Variants in ELOVL7 observed in about 807,000 individuals in gnomAD.
The protein encoded by ELOVL7 is very long chain fatty acid elongase 7.
In ELOVL7, 27 loss-of-function variants were observed where a neutral mutation model predicts 35.7. The ratio of observed to expected loss-of-function variants is 0.76; its 90% CI spans 0.56 to 1.04. The LOEUF (loss-of-function observed/expected upper bound fraction) is 1.04. Among genes scored for constraint, ELOVL7 ranks in the 50% least tolerant of loss-of-function variants. ELOVL7 has a pLI of 0.00. For missense variants in ELOVL7, 327 were observed against 340.8 expected (o/e 0.96, Z 0.32); for synonymous variants, 113 against 114.6 (o/e 0.99, Z 0.09).
In ELOVL7 at chr5:60,752,689, A is replaced by T. The variant is rs930029351; in HGVS notation, c.*1935T>A. The T allele has an allele frequency of 1.3e-5, 2 of 152,162 alleles. No homozygotes were observed. Among genetic ancestry groups the T allele is most frequent in the Non-Finnish European group, 1.5e-5 (1 of 68,042 alleles). The allele number at this position is 152,162 out of a possible 1,614,324, so 9.4% of individuals were successfully genotyped here. A position where few individuals can be genotyped will look rare whatever the true frequency, so the allele number is the denominator to read the frequency against. On this transcript the variant is annotated 3_prime_UTR_variant, in exon 9 of 9. Transcript: ENST00000508821. The stretch of plus-strand genomic sequence containing the variant: ...AAATTATGGCCGGGCACAGTGGCTC[A>T]CCCCTGTAATCCCAGAACTTTGGGA...
intron 1 of ELOVL7, among the ~76,000 whole-genome samples, chr5:60,808,994 A>G (rs1279861985): frequency 6.6e-6 from 1 of 152,208 alleles, no homozygotes; most frequent in Admixed American, 6.5e-5. Context: ...GCAGCACAAG[A>G]CAATTCTGGA....
intron 1 of ELOVL7, among the ~76,000 whole-genome samples, chr5:60,810,244 A>C (rs1275800851): frequency 6.6e-6 from 1 of 152,220 alleles, no homozygotes; most frequent in Non-Finnish European, 1.5e-5. Context: ...AGGTTGGCCC[A>C]GTTTAAGGCA....
chr5:60,786,503 T>C (rs749516205), intron 3 of ELOVL7, among the ~76,000 whole-genome samples: 18 of 152,186 alleles, frequency 1.2e-4, no homozygotes, highest in Admixed American at 2.6e-4. Flanking sequence ...ATTAATGTCT[T>C]CTGAAACATT....
chr5:60,779,625 A>C (rs374894682), intron 3 of ELOVL7, among the ~76,000 whole-genome samples: 2 of 152,156 alleles, frequency 1.3e-5, no homozygotes, highest in African/African-American at 4.8e-5. Context: ...GCCCAGCCCC[A>C]AAAACCATGT....
At chr5:60,777,511 C>T (rs968175636) in intron 3 of ELOVL7, among the ~76,000 whole-genome samples, 1 of 151,902 alleles carries the variant, frequency 6.6e-6, no homozygotes, top group Non-Finnish European at 1.5e-5. Flanking sequence ...CTTAGACTGC[C>T]TTTAAAACAT....
intron 3 of ELOVL7, among the ~76,000 whole-genome samples, chr5:60,775,595 T>A (rs1742855198): frequency 6.6e-6 from 1 of 152,258 alleles, no homozygotes; most frequent in East Asian, 1.9e-4. Context: ...ACGGCTACAG[T>A]AACCAAAACA....
chr5:60,778,861 T>C (rs1743066745), intron 3 of ELOVL7, among the ~76,000 whole-genome samples: 1 of 152,230 alleles, frequency 6.6e-6, no homozygotes, highest in Non-Finnish European at 1.5e-5. Context: ...CCCTTCTGCC[T>C]ATGAGCCTGT....
At chr5:60,796,588 C>T (rs538773320) in intron 2 of ELOVL7, among the ~76,000 whole-genome samples, 1 of 152,328 alleles carries the variant, frequency 6.6e-6, no homozygotes, top group Non-Finnish European at 1.5e-5. Context: ...AGGAAGCTAC[C>T]AACATGTATT....
intron 1 of ELOVL7, among the ~76,000 whole-genome samples, chr5:60,808,921 A>G (rs964264022): frequency 6.6e-6 from 1 of 152,252 alleles, no homozygotes; most frequent in African/African-American, 2.4e-5. Flanking sequence ...GCTAAACTAT[A>G]AAGTTGGAGA....
intron 1 of ELOVL7, among the ~76,000 whole-genome samples, chr5:60,835,115 G>A (rs1043977035): frequency 6.6e-6 from 1 of 151,068 alleles, no homozygotes; most frequent in African/African-American, 2.5e-5. Flanking sequence ...AATTGAGCCC[G>A]GGAGGTGGAG....
chr5:60,773,940 CA>C (rs1331436857), intron 3 of ELOVL7, among the ~76,000 whole-genome samples: 1 of 152,030 alleles, frequency 6.6e-6, no homozygotes, highest in African/African-American at 2.4e-5. Flanking sequence ...CGTATTTGGC[CA>C]AAAAACACTA....
chr5:60,809,569 T>C (rs955714695), intron 1 of ELOVL7, among the ~76,000 whole-genome samples: 1 of 152,140 alleles, frequency 6.6e-6, no homozygotes, highest in South Asian at 2.1e-4. Flanking sequence ...AAGATACTTA[T>C]TTATAGGAGG....
chr5:60,825,310 A>T (rs1314624523), intron 1 of ELOVL7, among the ~76,000 whole-genome samples: 1 of 152,084 alleles, frequency 6.6e-6, no homozygotes, highest in African/African-American at 2.4e-5. Context: ...TTTCCTCCAG[A>T]TATCTGCCAC....
chr5:60,790,160 AC>A (rs1381486017), intron 2 of ELOVL7, among the ~76,000 whole-genome samples: 1 of 152,156 alleles, frequency 6.6e-6, no homozygotes, highest in East Asian at 1.9e-4. Flanking sequence ...AAAGAAAAAA[AC>A]AAAGAAAGTA....
chr5:60,805,128 ACAGGGCAAAAATGTG>A (rs771577310), intron 1 of ELOVL7, among the ~76,000 whole-genome samples: 3 of 152,244 alleles, frequency 2.0e-5, no homozygotes, highest in Non-Finnish European at 4.4e-5. Context: ...TAAAATTTCA[ACAGGGCAAAAATGTG>A]CACAGCTGAG....
At position 60,753,179 on chromosome 5, in the gene ELOVL7, T is replaced by C. The variant is rs1561413347; in HGVS notation, c.*1445A>G. 6.6e-6 allele frequency: 1 copy of C among 151,560 alleles called. No individual in the cohort carries two copies. Among genetic ancestry groups the C allele is most frequent in the Non-Finnish European group, 1.5e-5 (1 of 67,880 alleles). 9.4% of individuals were successfully genotyped at this position (151,560 alleles called of 1,614,324 possible). ...CTAATTGTTTAAAGTCCTACAAACA[T>C]AAACAGTGCTTCAAAATTGAGTATA... On this transcript the variant is annotated 3_prime_UTR_variant, in exon 9 of 9. Coordinates refer to ENST00000508821, the MANE Select transcript of ELOVL7 (RefSeq NM_024930.3).
chr5:60,806,622 A>G (rs1744940653), intron 1 of ELOVL7, among the ~76,000 whole-genome samples: 1 of 152,210 alleles, frequency 6.6e-6, no homozygotes, highest in Non-Finnish European at 1.5e-5. Context: ...AAAAAAGAGT[A>G]ACAGAAATTT....
chr5:60,797,485 C>G (rs1413368517), intron 2 of ELOVL7, among the ~76,000 whole-genome samples: 2 of 152,210 alleles, frequency 1.3e-5, no homozygotes, highest in Non-Finnish European at 2.9e-5. Context: ...CCATACAGAA[C>G]ACAGGGCAGA....
rs1436483853 is a variant in ELOVL7, at chr5:60,772,102, AAAAC to A, written c.65-13_65-10del. ...ATCTTCAACTCTTGGATCTAAGAGA[AAAAC>A]AATATGTGAGTACACACCTGCTTAG... On this transcript the variant is annotated splice_polypyrimidine_tract_variant and intron_variant, in intron 3 of 8. Transcript: ENST00000508821. 7 of 1,594,482 alleles carry A rather than the reference AAAAC, an allele frequency of 4.4e-6. No homozygotes were observed. Among genetic ancestry groups the A allele is most frequent in the Non-Finnish European group, 6.0e-6 (7 of 1,169,916 alleles).
Sources: allele counts gnomAD v4.1 joint callset (sites outside exome capture counted in the v4.1 genomes callset), GRCh38; gene constraint gnomAD v4.1.1; transcripts MANE v1.5; gene names NCBI Gene and HGNC (gene_info 2026-07-23, HGNC 2026-07-21).